CNTN5: variants seen among roughly 807,000 people sequenced by gnomAD.
CNTN5 encodes the protein contactin 5, also known as contactin-5.
Under a neutral mutation model 129.1 loss-of-function variants are expected in CNTN5, and 77 were observed. The ratio of observed to expected loss-of-function variants is 0.60; its 90% CI spans 0.50 to 0.72. The LOEUF is 0.72. CNTN5 is among the 30% of genes least tolerant of loss of function. The probability of loss-of-function intolerance (pLI) is 0.00; values close to 1 mark genes in which losing one functional copy is unlikely to be tolerated. For synonymous variants in CNTN5, 509 were observed against 465.6 expected, an observed-to-expected ratio of 1.09 and a Z score of -1.20; for missense variants, 1,478 against 1,328.8, an observed-to-expected ratio of 1.11 and a Z score of -1.75.
chr11:100,271,312 A>G lies in CNTN5; in HGVS notation c.2314+71A>G, dbSNP rs536073731. 1.0e-4 allele frequency: 115 copies of G among 1,124,212 alleles called. 1 individual carries two copies. The South Asian group carries it at 2.2e-3, about 22-fold the overall frequency. 69.6% of individuals were successfully genotyped at this position (1,124,212 alleles called of 1,614,324 possible). ...GTCTTGAAAGTGAGTTGAATTAACC[A>G]TGATTGCTCCATTGCTTGCTTTAGC... On this transcript the variant is annotated intron_variant, in intron 18 of 24. Transcript: ENST00000524871.
chr11:100,017,919 A>C (rs1014088108), intron 9 of CNTN5, among the ~76,000 whole-genome samples: 16 of 152,036 alleles, frequency 1.1e-4, no homozygotes, highest in Admixed American at 6.6e-4. Flanking sequence ...AGAAAATAGA[A>C]TAGACAAAGA....
intron 1 of CNTN5, among the ~76,000 whole-genome samples, chr11:99,302,476 G>T (rs928479080): frequency 6.6e-6 from 1 of 151,778 alleles, no homozygotes; most frequent in Non-Finnish European, 1.5e-5. Flanking sequence ...AGGAAGAAAT[G>T]GAAAGTGACT....
chr11:99,047,379 G>T (rs1250803444), intron 1 of CNTN5, among the ~76,000 whole-genome samples: 14 of 144,314 alleles, frequency 9.7e-5, no homozygotes, highest in Admixed American at 3.7e-4. Flanking sequence ...ATTGAATTTT[G>T]GCAAAAAAAA....
intron 15 of CNTN5, among the ~76,000 whole-genome samples, chr11:100,204,338 AT>A (rs1565340625): frequency 2.4e-4 from 27 of 114,708 alleles, no homozygotes; most frequent in African/African-American, 9.3e-4. Context: ...ATATATATAT[AT>A]ATATAATTAT....
At chr11:99,430,973 A>C (rs1943341920) in intron 2 of CNTN5, among the ~76,000 whole-genome samples, 1 of 149,160 alleles carries the variant, frequency 6.7e-6, no homozygotes, top group Non-Finnish European at 1.5e-5. Flanking sequence ...GCCAAAAAAA[A>C]ATTTTTGGAT....
intron 7 of CNTN5, among the ~76,000 whole-genome samples, chr11:99,947,046 ATGTGAT>A (rs769798401): frequency 1.4e-5 from 2 of 146,870 alleles, no homozygotes; most frequent in Admixed American, 1.4e-4. Context: ...TACATTATAA[ATGTGAT>A]TATGATATAA....
intron 8 of CNTN5, among the ~76,000 whole-genome samples, chr11:99,964,699 T>C (rs1223840042): frequency 2.0e-5 from 3 of 152,208 alleles, no homozygotes; most frequent in Non-Finnish European, 4.4e-5. Context: ...GGATTCCCTC[T>C]TTTTCTATTG....
intron 7 of CNTN5, among the ~76,000 whole-genome samples, chr11:99,925,727 T>G (rs139590176): frequency 2.6e-5 from 4 of 152,194 alleles, no homozygotes; most frequent in Middle Eastern, 3.4e-3. Flanking sequence ...GGTTTTTTTT[T>G]TCTTTTGGAT....
At chr11:99,832,559 CTTGT>C (rs1215378608) in intron 4 of CNTN5, among the ~76,000 whole-genome samples, 3 of 152,092 alleles carry the variant, frequency 2.0e-5, no homozygotes, top group Non-Finnish European at 2.9e-5. Context: ...ATAGTTTATA[CTTGT>C]TTAAGTTTCA....
rs533578531 is a variant in CNTN5, at chr11:99,678,416, G to T, written c.55+122147G>T. On this transcript the variant is annotated intron_variant, in intron 3 of 24. Transcript: ENST00000524871. Reference sequence around the variant, plus strand: ...TATGTTTAAAAAATACTTATTCCTGGATGATGGACACATGAATCTAAATCT... The same window carrying T: ...TATGTTTAAAAAATACTTATTCCTGTATGATGGACACATGAATCTAAATCT... Among the ~76,000 whole-genome samples the T allele has an allele frequency of 3.3e-5, 5 of 152,148 alleles. No individual in the cohort carries two copies. The East Asian group carries it at 9.7e-4, about 29-fold the overall frequency.
chr11:99,382,983 A>T (rs1238334403), intron 2 of CNTN5, among the ~76,000 whole-genome samples: 1 of 150,846 alleles, frequency 6.6e-6, no homozygotes, highest in Non-Finnish European at 1.5e-5. Flanking sequence ...CAGCCTCCTG[A>T]GTAGCTGGGA....
chr11:100,209,643 C>A (rs1033721246), intron 15 of CNTN5, among the ~76,000 whole-genome samples: 2 of 152,196 alleles, frequency 1.3e-5, no homozygotes, highest in Non-Finnish European at 1.5e-5. Flanking sequence ...TTTGCTACCT[C>A]ATCTGTCCTA....
chr11:99,742,975 CT>C (rs1221214030), intron 3 of CNTN5, among the ~76,000 whole-genome samples: 2 of 152,188 alleles, frequency 1.3e-5, no homozygotes, highest in Non-Finnish European at 2.9e-5. Context: ...ACATGTTTAT[CT>C]TAGCTTGTGT....
chr11:99,291,841 T>A (rs764209941), intron 1 of CNTN5, among the ~76,000 whole-genome samples: 9 of 152,104 alleles, frequency 5.9e-5, no homozygotes, highest in Middle Eastern at 6.8e-3. Flanking sequence ...TCTTCCACCA[T>A]CTGCTCTGAA....
intron 2 of CNTN5, among the ~76,000 whole-genome samples, chr11:99,423,110 T>C (rs1464098777): frequency 6.6e-6 from 1 of 152,180 alleles, no homozygotes; most frequent in African/African-American, 2.4e-5. Context: ...AGCAGATACA[T>C]ATCATTACAT....
At chr11:99,535,868 T>G (rs1947881208) in intron 2 of CNTN5, among the ~76,000 whole-genome samples, 1 of 152,138 alleles carries the variant, frequency 6.6e-6, no homozygotes, top group African/African-American at 2.4e-5. Flanking sequence ...AATTATTAAC[T>G]CACTAAAATA....
intron 1 of CNTN5, among the ~76,000 whole-genome samples, chr11:99,298,971 T>A (rs1445314007): frequency 1.3e-5 from 2 of 152,172 alleles, no homozygotes; most frequent in Non-Finnish European, 2.9e-5. Flanking sequence ...ACCCTTAATC[T>A]GTAAGAGAGA....
chr11:99,952,597 T>C (rs1046049334), intron 7 of CNTN5, among the ~76,000 whole-genome samples: 3 of 152,144 alleles, frequency 2.0e-5, no homozygotes, highest in Non-Finnish European at 4.4e-5. Context: ...AGTGGCACAG[T>C]CACAGCTTAT....
intron 3 of CNTN5, among the ~76,000 whole-genome samples, chr11:99,637,647 C>A (rs183337664): frequency 6.6e-6 from 1 of 152,026 alleles, no homozygotes; most frequent in East Asian, 1.9e-4. Context: ...AAACTTCTCA[C>A]GTTTTTTGAG....
Sources: allele counts gnomAD v4.1 joint callset (sites outside exome capture counted in the v4.1 genomes callset), GRCh38; gene constraint gnomAD v4.1.1; transcripts MANE v1.5; gene names NCBI Gene and HGNC (gene_info 2026-07-23, HGNC 2026-07-21).